CCSER2: variants seen among roughly 807,000 people sequenced by gnomAD.
CCSER2 encodes the protein coiled-coil serine rich protein 2.
A neutral mutation model predicts 92.3 loss-of-function variants in CCSER2; 46 were observed. That is an observed-to-expected ratio of 0.50 (90% CI 0.39 to 0.64). The LOEUF is 0.64. Among genes scored for constraint, CCSER2 ranks in the 30% least tolerant of loss-of-function variants. The probability of loss-of-function intolerance (pLI) is 0.00; values close to 1 mark genes in which losing one functional copy is unlikely to be tolerated. For synonymous variants in CCSER2, 433 were observed against 431.4 expected (o/e 1.00, Z -0.04); for missense variants, 1,244 against 1,238.9 (o/e 1.00, Z -0.06).
At chr10:84,342,746 C>T (rs772772183) in intron 1 of CCSER2, among the ~76,000 whole-genome samples, 26 of 152,068 alleles carry the variant, frequency 1.7e-4, no homozygotes, top group Non-Finnish European at 3.7e-4. Context: ...ACTTTTGCTT[C>T]CTCTGTTCAC....
At chr10:84,342,751 G>C (rs1013595809) in intron 1 of CCSER2, among the ~76,000 whole-genome samples, 1 of 151,848 alleles carries the variant, frequency 6.6e-6, no homozygotes, top group Admixed American at 6.6e-5. Flanking sequence ...TGCTTCCTCT[G>C]TTCACAGAAA....
intron 3 of CCSER2, among the ~76,000 whole-genome samples, chr10:84,374,811 G>A (rs1489793257): frequency 5.3e-5 from 8 of 152,176 alleles, no homozygotes; most frequent in Non-Finnish European, 1.2e-4. Context: ...TAGTTGTATG[G>A]GAAAATTGGT....
chr10:84,479,678 C>A (rs543280698), intron 9 of CCSER2, among the ~76,000 whole-genome samples: 4 of 152,142 alleles, frequency 2.6e-5, no homozygotes, highest in Non-Finnish European at 5.9e-5. Flanking sequence ...AAGTTCCATC[C>A]CTCAAGATGC....
chr10:84,451,384 G>C (rs1845283186), intron 6 of CCSER2, among the ~76,000 whole-genome samples: 1 of 151,770 alleles, frequency 6.6e-6, no homozygotes, highest in African/African-American at 2.4e-5. Context: ...GGCTTCGAAT[G>C]ATCCTCCTGC....
chr10:84,473,372 C>A (rs536081357), intron 8 of CCSER2, among the ~76,000 whole-genome samples: 7 of 152,086 alleles, frequency 4.6e-5, no homozygotes, highest in African/African-American at 1.2e-4. Context: ...AGGAGAACTT[C>A]GTGATATTTT....
At chr10:84,478,725 A>G (rs1454411277) in intron 9 of CCSER2, among the ~76,000 whole-genome samples, 1 of 152,222 alleles carries the variant, frequency 6.6e-6, no homozygotes, top group Non-Finnish European at 1.5e-5. Context: ...ACTTCTTAAG[A>G]AATTGGGAAT....
chr10:84,444,095 C>T (rs1327662942), intron 6 of CCSER2, among the ~76,000 whole-genome samples: 1 of 151,808 alleles, frequency 6.6e-6, no homozygotes, highest in Non-Finnish European at 1.5e-5. Context: ...ACCAGTGTAA[C>T]AAACCTGCAC....
chr10:84,347,942 G>A (rs1408113089), intron 1 of CCSER2, among the ~76,000 whole-genome samples: 1 of 151,944 alleles, frequency 6.6e-6, no homozygotes, highest in Non-Finnish European at 1.5e-5. Context: ...GATGGCGGCC[G>A]GGAAGAGGCA....
At chr10:84,470,620 T>C (rs547688414) in intron 8 of CCSER2, among the ~76,000 whole-genome samples, 162 bp downstream of exon 8, 32 of 152,248 alleles carry the variant, frequency 2.1e-4, no homozygotes, top group South Asian at 4.1e-4. Context: ...AGTATGTGAT[T>C]TAACTTTTAA....
chr10:84,463,245 G>C lies in CCSER2; in HGVS notation c.2065-688G>C, dbSNP rs112446504. Among the ~76,000 whole-genome samples the C allele has an allele frequency of 2.5e-3, 381 of 152,212 alleles. 1 individual carries two copies. Among genetic ancestry groups the C allele is most frequent in the African/African-American group, 8.5e-3 (351 of 41,526 alleles). ...AGATACATCCAGTAAAGTGGTTAAG[G>C]TGTACCAATCTTAAGTGTACAGCTC... On this transcript the variant is annotated intron_variant, in intron 6 of 9. Coordinates refer to ENST00000372088, the MANE Select transcript of CCSER2 (RefSeq NM_001284240.2).
chr10:84,507,200 C>T (rs1849103935), intron 9 of CCSER2: 1 of 402,230 alleles, frequency 2.5e-6, no homozygotes, highest in African/African-American at 2.2e-5. Context: ...GTGGCTGCCA[C>T]CCAGTCATGG....
intron 5 of CCSER2, among the ~76,000 whole-genome samples, chr10:84,428,222 G>T (rs927552732): frequency 1.4e-4 from 22 of 152,312 alleles, no homozygotes; most frequent in African/African-American, 5.1e-4. Flanking sequence ...CAGGCCATGG[G>T]TGGGAGGTTG....
At chr10:84,506,775 A>G (rs1421780159) in intron 9 of CCSER2, among the ~76,000 whole-genome samples, 1 of 145,680 alleles carries the variant, frequency 6.9e-6, no homozygotes, top group Non-Finnish European at 1.5e-5. Context: ...AGCCTGGGCA[A>G]TAGTGCAAGA....
At chr10:84,457,274 A>AATATAT (rs1845716686) in intron 6 of CCSER2, among the ~76,000 whole-genome samples, 1 of 2,090 alleles carries the variant, frequency 4.8e-4, no homozygotes, top group South Asian at 0.031. Context: ...ATTATATATA[A>AATATAT]TATATTATAT....
chr10:84,453,008 A>G (rs1388195057), intron 6 of CCSER2, among the ~76,000 whole-genome samples: 1 of 152,156 alleles, frequency 6.6e-6, no homozygotes, highest in Non-Finnish European at 1.5e-5. Flanking sequence ...TAATGGAAAT[A>G]ATAGCTTTTT....
At chr10:84,513,134 G>T (rs1286608470) in intron 9 of CCSER2, among the ~76,000 whole-genome samples, 1 of 151,934 alleles carries the variant, frequency 6.6e-6, no homozygotes, top group Non-Finnish European at 1.5e-5. Context: ...AAGCTCTAAG[G>T]TTTAAAATAC....
intron 4 of CCSER2, among the ~76,000 whole-genome samples, chr10:84,424,281 TAA>T (rs1244434863): frequency 7.1e-5 from 10 of 141,464 alleles, no homozygotes; most frequent in African/African-American, 1.0e-4. Context: ...TAACTGAACT[TAA>T]AAAAAAAAAA....
At chr10:84,475,189 T>C (rs1329411703) in intron 8 of CCSER2, among the ~76,000 whole-genome samples, 1 of 147,332 alleles carries the variant, frequency 6.8e-6, no homozygotes, top group African/African-American at 2.7e-5. Flanking sequence ...TTCCTAAGCA[T>C]AGAGGAATGG....
intron 6 of CCSER2, among the ~76,000 whole-genome samples, chr10:84,448,036 A>C (rs1353335611): frequency 2.6e-5 from 4 of 150,990 alleles, no homozygotes; most frequent in Admixed American, 2.6e-4. Flanking sequence ...TTCTCATACT[A>C]CTCCAGCTCT....
Sources: gnomAD v4.1 joint callset for allele counts (sites outside exome capture counted in the v4.1 genomes callset) on GRCh38, gnomAD v4.1.1 for gene constraint, MANE v1.5 for transcripts, NCBI Gene and HGNC (gene_info 2026-07-23, HGNC 2026-07-21) for gene names.